The following NALF1 variants were observed in gnomAD, a reference collection of about 807,000 sequenced individuals.
The protein encoded by NALF1 is NALCN channel auxiliary factor 1.
NALF1 carries 3 observed loss-of-function variants against 48.4 expected under a neutral mutation model. The ratio of observed to expected loss-of-function variants is 0.06; its 90% confidence interval spans 0.03 to 0.16. NALF1 has a LOEUF of 0.16. NALF1 is among the 10% of genes least tolerant of loss of function. The pLI, the probability that NALF1 is intolerant of heterozygous loss-of-function variation, is 1.00. For synonymous variants in NALF1, 262 were observed against 245.7 expected (o/e 1.07, Z -0.62); for missense variants, 526 against 571.5 (o/e 0.92, Z 0.81).
intron 1 of NALF1, among the ~76,000 whole-genome samples, chr13:107,293,546 G>C (rs959227886): frequency 6.6e-6 from 1 of 152,088 alleles, no homozygotes; most frequent in Non-Finnish European, 1.5e-5. Flanking sequence ...CTAACAAAAG[G>C]CTTCCCAGAA....
chr13:107,324,478 G>A (rs977834168), intron 1 of NALF1, among the ~76,000 whole-genome samples: 1 of 149,082 alleles, frequency 6.7e-6, no homozygotes, highest in Admixed American at 6.8e-5. Flanking sequence ...TTCTGGGAGT[G>A]GGGGGAAGAA....
chr13:107,546,152 T>C (rs1877131123), intron 1 of NALF1, among the ~76,000 whole-genome samples: 2 of 152,228 alleles, frequency 1.3e-5, no homozygotes, highest in East Asian at 1.9e-4. Flanking sequence ...CCACTTGGCC[T>C]CTTGCACCCT....
At chr13:107,308,429 C>T (rs1052233613) in intron 1 of NALF1, among the ~76,000 whole-genome samples, 5 of 151,994 alleles carry the variant, frequency 3.3e-5, no homozygotes, top group African/African-American at 1.2e-4. Context: ...GTCTCGATCT[C>T]CTGACCTCGT....
At chr13:107,731,187 C>G (rs1455341186) in intron 1 of NALF1, among the ~76,000 whole-genome samples, 1 of 152,036 alleles carries the variant, frequency 6.6e-6, no homozygotes. Context: ...AATCTTTGCA[C>G]AGAAGTGTGG....
chr13:107,392,479 G>A (rs1326191727), intron 1 of NALF1, among the ~76,000 whole-genome samples: 2 of 152,046 alleles, frequency 1.3e-5, no homozygotes, highest in Admixed American at 1.3e-4. Flanking sequence ...GCCCTCTCAC[G>A]CAGCAATTTT....
intron 1 of NALF1, among the ~76,000 whole-genome samples, chr13:107,552,885 A>C (rs1368558505): frequency 1.3e-5 from 2 of 152,126 alleles, no homozygotes; most frequent in Non-Finnish European, 2.9e-5. Context: ...TATAATATTA[A>C]AATATTGTGC....
At chr13:107,266,555 A>T (rs1289527362) in intron 1 of NALF1, among the ~76,000 whole-genome samples, 3 of 152,170 alleles carry the variant, frequency 2.0e-5, no homozygotes, top group Non-Finnish European at 4.4e-5. Context: ...GAAGAATTAG[A>T]TCCCTATAAC....
At chr13:107,716,330 A>C (rs1456459476) in intron 1 of NALF1, among the ~76,000 whole-genome samples, 1 of 152,134 alleles carries the variant, frequency 6.6e-6, no homozygotes, top group African/African-American at 2.4e-5. Flanking sequence ...CCAGGGAAAA[A>C]CGTCTGAGCA....
intron 1 of NALF1, among the ~76,000 whole-genome samples, chr13:107,611,532 C>CA (rs1477959582): frequency 3.3e-5 from 5 of 151,934 alleles, no homozygotes; most frequent in Non-Finnish European, 7.4e-5. Flanking sequence ...TCATATACTA[C>CA]AAAAAAGATG....
intron 1 of NALF1, among the ~76,000 whole-genome samples, chr13:107,733,346 G>A (rs1189579391): frequency 2.0e-5 from 3 of 152,110 alleles, no homozygotes; most frequent in Non-Finnish European, 4.4e-5. Context: ...GACACTCCAG[G>A]ACCACCATTA....
intron 1 of NALF1, among the ~76,000 whole-genome samples, chr13:107,213,242 A>AAAAAG (rs1364369208): frequency 2.7e-5 from 4 of 150,744 alleles, no homozygotes; most frequent in South Asian, 4.2e-4. Flanking sequence ...AAAAAAAAAA[A>AAAAAG]AAAAAAAAGA....
intron 1 of NALF1, among the ~76,000 whole-genome samples, chr13:107,650,603 A>G (rs929229021): frequency 9.2e-5 from 14 of 152,030 alleles, no homozygotes; most frequent in Middle Eastern, 6.8e-3. Context: ...GGGGAAAGGG[A>G]AAAAAACTGC....
intron 1 of NALF1, among the ~76,000 whole-genome samples, chr13:107,397,729 A>G (rs1482014373): frequency 6.6e-6 from 1 of 152,046 alleles, no homozygotes; most frequent in African/African-American, 2.4e-5. Context: ...ATAGTTTCCA[A>G]CGTTATGCCC....
chr13:107,746,567 T>C (rs1207715818), intron 1 of NALF1, among the ~76,000 whole-genome samples: 1 of 152,250 alleles, frequency 6.6e-6, no homozygotes, highest in East Asian at 1.9e-4. Flanking sequence ...ATATAATCTG[T>C]AACATTTACA....
intron 1 of NALF1, among the ~76,000 whole-genome samples, chr13:107,828,606 T>C (rs199977242): frequency 0.051 from 5,257 of 103,980 alleles, 317 homozygotes; most frequent in East Asian, 0.28. Context: ...TCTATATCTA[T>C]ACACACACAC....
chr13:107,730,998 C>T (rs1566460692), intron 1 of NALF1, among the ~76,000 whole-genome samples: 1 of 152,182 alleles, frequency 6.6e-6, no homozygotes, highest in African/African-American at 2.4e-5. Context: ...GAATGTCGAT[C>T]TCTGAGAGAG....
At chr13:107,679,039 C>T (rs1038052187) in intron 1 of NALF1, among the ~76,000 whole-genome samples, 3 of 152,122 alleles carry the variant, frequency 2.0e-5, no homozygotes, top group Non-Finnish European at 2.9e-5. Flanking sequence ...CTTTAAGGCC[C>T]TTTAAAGGAT....
intron 1 of NALF1, among the ~76,000 whole-genome samples, chr13:107,385,098 T>C (rs901231521): frequency 1.3e-5 from 2 of 152,208 alleles, no homozygotes; most frequent in Non-Finnish European, 2.9e-5. Flanking sequence ...TAAGGAGTAA[T>C]TCAATGTTAG....
At chr13:107,430,545 C>T (rs1048608781) in intron 1 of NALF1, among the ~76,000 whole-genome samples, 5 of 151,990 alleles carry the variant, frequency 3.3e-5, no homozygotes, top group South Asian at 2.1e-4. Context: ...TGAGAACATG[C>T]GGTGGTTGGT....
Sources: gnomAD v4.1 joint callset for allele counts (sites outside exome capture counted in the v4.1 genomes callset) on GRCh38, gnomAD v4.1.1 for gene constraint, MANE v1.5 for transcripts, NCBI Gene and HGNC (gene_info 2026-07-23, HGNC 2026-07-21) for gene names.